SYCP2: variants seen among roughly 807,000 people sequenced by gnomAD.
The protein encoded by SYCP2 is synaptonemal complex protein 2, also known as synaptonemal complex lateral element protein.
Under a neutral mutation model 211.3 loss-of-function variants are expected in SYCP2, and 55 were observed. That is an observed-to-expected ratio of 0.26 (90% CI 0.21 to 0.33). The LOEUF (loss-of-function observed/expected upper bound fraction) is 0.33, where lower values mean the gene tolerates loss of function less well. Ranked by LOEUF, SYCP2 falls within the 10% of genes least tolerant of loss-of-function variation. The probability of loss-of-function intolerance (pLI) is 1.00; values close to 1 mark genes in which losing one functional copy is unlikely to be tolerated. For missense variants in SYCP2, 1,731 were observed against 1,752.0 expected (o/e 0.99, Z 0.21); for synonymous variants, 570 against 555.2 (o/e 1.03, Z -0.37).
chr20:59,915,405 G>A (rs938251956), intron 9 of SYCP2, 60 bp downstream of exon 9: 40 of 1,218,224 alleles, frequency 3.3e-5, no homozygotes, highest in Non-Finnish European at 2.4e-6. Context: ...ATAGTTGTCT[G>A]TCTTATAAAA....
At chr20:59,898,227 C>T (rs901113930) in intron 18 of SYCP2, among the ~76,000 whole-genome samples, 11 of 152,064 alleles carry the variant, frequency 7.2e-5, no homozygotes, top group African/African-American at 2.7e-4. Context: ...GGGTATATAC[C>T]GAAAGGATTA....
chr20:59,904,625 T>C (rs947492298), intron 15 of SYCP2, among the ~76,000 whole-genome samples: 4 of 152,124 alleles, frequency 2.6e-5, no homozygotes, highest in Non-Finnish European at 5.9e-5. Flanking sequence ...TTGACATCCA[T>C]AGAGGCAACA....
At position 59,866,464 on chromosome 20, in the gene SYCP2, A is replaced by G. The variant is rs6100630; in HGVS notation, c.4220+31T>C. 5,880 of 1,586,354 alleles carry G rather than the reference A, an allele frequency of 3.7e-3. 219 individuals are homozygous for G. The African/African-American group carries it at 0.07, about 19-fold the overall frequency. Reference sequence around the variant, plus strand: ...AGAATATAGGAATATGTAGCATTCAAAAGTTTTCAGAACAGATTTTTATTA... The same window carrying G: ...AGAATATAGGAATATGTAGCATTCAGAAGTTTTCAGAACAGATTTTTATTA... On this transcript the variant is annotated intron_variant, in intron 40 of 44. Coordinates refer to ENST00000357552, the MANE Select transcript of SYCP2 (RefSeq NM_014258.4).
In SYCP2 at chr20:59,885,566, G is replaced by GT. The variant is rs1029083680; in HGVS notation, c.2529+361dup. 5.9e-5 allele frequency among the ~76,000 whole-genome samples: 9 copies of GT among 151,874 alleles called. No individual in the cohort carries two copies. The East Asian group carries it at 9.7e-4, about 16-fold the overall frequency. The stretch of plus-strand genomic sequence containing the variant: ...TTATAAGCCTGGATAAAGAGTAAAG[G>GT]TTTTTTTTAAACAAAATTGGAACTT... On this transcript the variant is annotated intron_variant, in intron 26 of 44. Coordinates refer to ENST00000357552, the MANE Select transcript of SYCP2 (RefSeq NM_014258.4).
intron 33 of SYCP2, among the ~76,000 whole-genome samples, chr20:59,876,986 A>G (rs140604651): frequency 5.3e-4 from 81 of 152,302 alleles, no homozygotes; most frequent in African/African-American, 1.9e-3. Context: ...ATTATGAGAC[A>G]TAAGGAAGAA....
At chr20:59,892,868 T>G (rs921494138) in intron 22 of SYCP2, among the ~76,000 whole-genome samples, 167 bp from the exon 23 acceptor site, 3 of 151,694 alleles carry the variant, frequency 2.0e-5, no homozygotes, top group Non-Finnish European at 4.4e-5. Context: ...TTCTACACAT[T>G]AATTAATTTC....
chr20:59,933,591 A>C lies in SYCP2; in HGVS notation c.-162T>G, dbSNP rs2060817793. ...TGCCTGCGGCAGGAGGCGTCCGCGT[A>C]GTGTCGGTGGAGCCGCCCCCTATGC... On this transcript the variant is annotated 5_prime_UTR_variant, in exon 1 of 45. Transcript: ENST00000357552. 6.6e-6 allele frequency: 1 copy of C among 152,004 alleles called. No homozygotes were observed. 9.4% of individuals were successfully genotyped at this position (152,004 alleles called of 1,614,324 possible). A position where few individuals can be genotyped will look rare whatever the true frequency, so the allele number is the denominator to read the frequency against.
At position 59,933,610 on chromosome 20, in the gene SYCP2, C is replaced by T. The variant is rs1270757053; in HGVS notation, c.-181G>A. ...CCGCGTAGTGTCGGTGGAGCCGCCC[C>T]CTATGCCGCCGAGCGTCGCAACTCT... On this transcript the variant is annotated 5_prime_UTR_variant, in exon 1 of 45. Transcript: ENST00000357552. 6.6e-6 allele frequency: 1 copy of T among 152,048 alleles called. No individual in the cohort carries two copies. Among genetic ancestry groups the T allele is most frequent in the Non-Finnish European group, 1.5e-5 (1 of 68,042 alleles). The allele number at this position is 152,048 out of a possible 1,614,324, so 9.4% of individuals were successfully genotyped here. A position where few individuals can be genotyped will look rare whatever the true frequency, so the allele number is the denominator to read the frequency against.
At chr20:59,928,730 A>G (rs1206638085) in intron 2 of SYCP2, among the ~76,000 whole-genome samples, 1 of 152,188 alleles carries the variant, frequency 6.6e-6, no homozygotes, top group East Asian at 1.9e-4. Context: ...AAACTGGTCA[A>G]TAAATGGTCT....
intron 24 of SYCP2, among the ~76,000 whole-genome samples, chr20:59,889,244 T>A (rs1369808469): frequency 6.6e-6 from 1 of 150,874 alleles, no homozygotes; most frequent in African/African-American, 2.5e-5. Context: ...GAGTTAATAA[T>A]CATTATGTAT....
intron 2 of SYCP2, among the ~76,000 whole-genome samples, chr20:59,928,831 G>A (rs1364837386): frequency 6.6e-6 from 1 of 152,040 alleles, no homozygotes; most frequent in African/African-American, 2.4e-5. Flanking sequence ...CTACATGAAT[G>A]TAAAAAGTAA....
intron 24 of SYCP2, 102 bp from the exon 25 acceptor site, chr20:59,886,936 C>A (rs2145705718): frequency 1.2e-6 from 1 of 849,904 alleles, no homozygotes; most frequent in Non-Finnish European, 1.7e-6. Context: ...TCTATTTATA[C>A]CTGCGGAGAG....
At position 59,865,819 on chromosome 20, in the gene SYCP2, C is replaced by T. The variant is rs2145578666; in HGVS notation, c.4367G>A (p.Ser1456Asn). ...IFQKFSAYQK[S>N]EQQRLHLLKT... ...ATGTCATACTAACCTCTGTTGTTCG[C>T]TTTTTTGATATGCACTGAACTTCTG... The change falls in exon 42 of 45, where the codon AGC becomes AAC. Residue 1456 changes from serine (S) to asparagine (N), a missense_variant. Physicochemically the swap from Ser to Asn is conservative, Grantham distance 46 (BLOSUM62 1). Around this residue, in one of 3 missense-constraint regions of SYCP2, gnomAD observed 1,387 missense variants for 1,351.3 expected, o/e 1.03. Coordinates refer to ENST00000357552, the MANE Select transcript of SYCP2 (RefSeq NM_014258.4). 8 of 1,437,462 alleles carry T rather than the reference C, an allele frequency of 5.6e-6. No homozygotes were observed. The highest frequency in any genetic ancestry group is 7.4e-6 in the Non-Finnish European group (8 of 1,076,666). 89.0% of individuals were successfully genotyped at this position (1,437,462 alleles called of 1,614,324 possible). A position where few individuals can be genotyped will look rare whatever the true frequency, so the allele number is the denominator to read the frequency against.
At chr20:59,912,342 A>G (rs1482671852) in intron 13 of SYCP2, 31 bp downstream of exon 13, 3 of 860,340 alleles carry the variant, frequency 3.5e-6, no homozygotes. Flanking sequence ...TCATGCAATA[A>G]CTAAAATAAT....
intron 7 of SYCP2, among the ~76,000 whole-genome samples, chr20:59,917,065 G>C (rs1233892242): frequency 6.6e-6 from 1 of 152,098 alleles, no homozygotes; most frequent in Non-Finnish European, 1.5e-5. Context: ...AAATGTGACT[G>C]ATTTTAATAC....
intron 2 of SYCP2, among the ~76,000 whole-genome samples, chr20:59,931,111 G>C (rs2060731460): frequency 6.6e-6 from 1 of 152,128 alleles, no homozygotes; most frequent in African/African-American, 2.4e-5. Flanking sequence ...TACTTTTCAG[G>C]ATTCAGTCAT....
chr20:59,883,625 T>C (rs1414769448), intron 26 of SYCP2, among the ~76,000 whole-genome samples: 5 of 149,158 alleles, frequency 3.4e-5, no homozygotes, highest in Non-Finnish European at 7.4e-5. Flanking sequence ...ATCTCCCTTA[T>C]ATGTGGAATC....
chr20:59,922,622 CAAATA>C (rs1031612843), intron 2 of SYCP2, among the ~76,000 whole-genome samples, 163 bp from the exon 3 acceptor site: 2 of 151,668 alleles, frequency 1.3e-5, no homozygotes, highest in Non-Finnish European at 3.0e-5. Flanking sequence ...TGAATATGAT[CAAATA>C]AGTTTCTAGA....
At chr20:59,877,117 G>A (rs1289966345) in intron 33 of SYCP2, among the ~76,000 whole-genome samples, 2 of 152,014 alleles carry the variant, frequency 1.3e-5, no homozygotes, top group Non-Finnish European at 2.9e-5. Context: ...AATTTTAGAA[G>A]ATTAAGTACT....
Sources: allele counts gnomAD v4.1 joint callset (sites outside exome capture counted in the v4.1 genomes callset), GRCh38; gene constraint gnomAD v4.1.1; regional missense constraint gnomAD v4.1.1; transcripts MANE v1.5; gene names NCBI Gene and HGNC (gene_info 2026-07-23, HGNC 2026-07-21).